The following SIL1 variants were observed in gnomAD, a reference collection of about 807,000 sequenced individuals.
SIL1 encodes the protein SIL1 nucleotide exchange factor, also known as nucleotide exchange factor SIL1.
In SIL1, 40 loss-of-function variants were observed where a neutral mutation model predicts 49.1. The observed-to-expected ratio is 0.81, with a 90% CI of 0.63 to 1.06. SIL1 has a LOEUF of 1.06. SIL1 is among the 50% of genes least tolerant of loss of function. The pLI is 0.00. For synonymous variants in SIL1, 253 were observed against 250.8 expected (o/e 1.01, Z -0.08); for missense variants, 500 against 572.6 (o/e 0.87, Z 1.29).
intron 7 of SIL1, among the ~76,000 whole-genome samples, chr5:138,965,346 C>T (rs1767114179): frequency 6.6e-6 from 1 of 152,196 alleles, no homozygotes; most frequent in Non-Finnish European, 1.5e-5. Flanking sequence ...CTTAAAATTT[C>T]ACCATCTGGG....
At chr5:139,041,843 G>C (rs1220450467) in intron 5 of SIL1, among the ~76,000 whole-genome samples, 1 of 148,988 alleles carries the variant, frequency 6.7e-6, no homozygotes, top group African/African-American at 2.5e-5. Context: ...ACAAAAAAAA[G>C]CAAATGGGGA....
chr5:139,196,574 C>G (rs935317793), intron 1 of SIL1: 1 of 152,222 alleles, frequency 6.6e-6, no homozygotes, highest in African/African-American at 2.4e-5. Context: ...AATCAAAGTA[C>G]TAGGCAACTT....
In SIL1 at chr5:139,050,848, A is replaced by T. The variant is rs542282974; in HGVS notation, c.353+90T>A. Reference sequence around the variant, plus strand: ...TGCTATTAAATTTCAAATTAAAAAAAGCCACATGAATTTGGGTAACATTTT... The same window carrying T: ...TGCTATTAAATTTCAAATTAAAAAATGCCACATGAATTTGGGTAACATTTT... On this transcript the variant is annotated intron_variant, in intron 4 of 9. Transcript: ENST00000394817. The T allele has an allele frequency of 1.5e-5, 16 of 1,083,800 alleles. No homozygotes were observed. The African/African-American group carries it at 2.3e-4, about 16-fold the overall frequency. The allele number at this position is 1,083,800 out of a possible 1,614,324, so 67.1% of individuals were successfully genotyped here. A position where few individuals can be genotyped will look rare whatever the true frequency, so the allele number is the denominator to read the frequency against.
chr5:139,186,567 C>A (rs1179988130), intron 1 of SIL1, among the ~76,000 whole-genome samples: 1 of 152,134 alleles, frequency 6.6e-6, no homozygotes, highest in East Asian at 1.9e-4. Context: ...AGCAGCCACC[C>A]CTCATGAAGC....
chr5:139,139,198 T>G (rs746111713), intron 1 of SIL1, among the ~76,000 whole-genome samples: 2 of 152,194 alleles, frequency 1.3e-5, no homozygotes, highest in Non-Finnish European at 2.9e-5. Flanking sequence ...CCTCCCCTTT[T>G]AAAATAGTAA....
chr5:139,088,251 T>C (rs1476425290), intron 3 of SIL1, among the ~76,000 whole-genome samples: 1 of 152,268 alleles, frequency 6.6e-6, no homozygotes, highest in Non-Finnish European at 1.5e-5. Context: ...CTTTTTGTCA[T>C]TTCTCTGACA....
chr5:139,197,795 A>C (rs1004231070), intron 1 of SIL1, among the ~76,000 whole-genome samples: 2 of 152,228 alleles, frequency 1.3e-5, no homozygotes, highest in African/African-American at 4.8e-5. Flanking sequence ...AGACGATCCG[A>C]GAGATAACAC....
chr5:139,187,644 T>C (rs1306517669), intron 1 of SIL1: 1 of 134,514 alleles, frequency 7.4e-6, no homozygotes, highest in Non-Finnish European at 1.7e-5. Context: ...GGGGTACACG[T>C]GGGTGATGGT....
chr5:139,055,799 T>C (rs1192816166), intron 3 of SIL1, among the ~76,000 whole-genome samples: 2 of 114,866 alleles, frequency 1.7e-5, no homozygotes, highest in African/African-American at 4.0e-5. Flanking sequence ...GCCTGCCGAG[T>C]GCCTGCGATT....
At chr5:138,960,546 C>G (rs984098105) in intron 7 of SIL1, among the ~76,000 whole-genome samples, 1 of 152,060 alleles carries the variant, frequency 6.6e-6, no homozygotes, top group Non-Finnish European at 1.5e-5. Flanking sequence ...ATGCCTCAGC[C>G]TACCACGTAG....
At chr5:139,076,668 C>T (rs538488291) in intron 3 of SIL1, among the ~76,000 whole-genome samples, 19 of 152,144 alleles carry the variant, frequency 1.2e-4, no homozygotes, top group Non-Finnish European at 2.5e-4. Flanking sequence ...CATAAAAAAA[C>T]TGAGGACACA....
chr5:139,055,191 A>C (rs1230688947), intron 3 of SIL1, among the ~76,000 whole-genome samples: 1 of 152,154 alleles, frequency 6.6e-6, no homozygotes, highest in Non-Finnish European at 1.5e-5. Flanking sequence ...AAGGCTGACT[A>C]TCCTAGCCTA....
chr5:139,008,757 T>C (rs1291182061), intron 7 of SIL1, among the ~76,000 whole-genome samples: 2 of 151,842 alleles, frequency 1.3e-5, no homozygotes, highest in Middle Eastern at 3.2e-3. Flanking sequence ...TCAGCTTCCA[T>C]GTAGTTGAGC....
At chr5:138,990,560 T>A (rs1767734255) in intron 7 of SIL1, among the ~76,000 whole-genome samples, 1 of 152,134 alleles carries the variant, frequency 6.6e-6, no homozygotes, top group African/African-American at 2.4e-5. Flanking sequence ...GTTCAAGGGA[T>A]CCTCCCACTT....
At position 139,007,076 on chromosome 5, in the gene SIL1, T is replaced by G. The variant is rs1432189980; in HGVS notation, c.767+14095A>C. 5.6e-4 allele frequency among the ~76,000 whole-genome samples: 72 copies of G among 129,438 alleles called. 2 individuals carry two copies. The South Asian group carries it at 0.016, about 29-fold the overall frequency. 84.9% of individuals were successfully genotyped at this position (129,438 alleles called of 152,430 possible). On this transcript the variant is annotated intron_variant, in intron 7 of 9. Coordinates refer to ENST00000394817, the MANE Select transcript of SIL1 (RefSeq NM_022464.5). ...AGTATGGCCATTTTCATGATATTGA[T>G]TCTTCCTACCCATGAGCATGGAATG...
At chr5:138,987,240 G>C (rs1156723112) in intron 7 of SIL1, among the ~76,000 whole-genome samples, 6 of 151,692 alleles carry the variant, frequency 4.0e-5, no homozygotes, top group Non-Finnish European at 2.9e-5. Flanking sequence ...CTCCCAAGTA[G>C]CTGGGACTAC....
intron 7 of SIL1, among the ~76,000 whole-genome samples, chr5:139,003,289 G>A (rs1194133549): frequency 2.0e-5 from 3 of 152,136 alleles, no homozygotes; most frequent in Non-Finnish European, 2.9e-5. Context: ...GTAGCAAGGG[G>A]CAGGAGAGAA....
chr5:138,998,852 CTTTT>C lies in SIL1; in HGVS notation c.767+22315_767+22318del, dbSNP rs35074969. Among the ~76,000 whole-genome samples, 202 of 98,774 alleles carry C rather than the reference CTTTT, an allele frequency of 2.0e-3. 1 individual carries two copies. Among genetic ancestry groups the C allele is most frequent in the Middle Eastern group, 7.6e-3 (1 of 132 alleles). The allele number at this position is 98,774 out of a possible 152,430, so 64.8% of individuals were successfully genotyped here. A position where few individuals can be genotyped will look rare whatever the true frequency, so the allele number is the denominator to read the frequency against. ...AGTAGGATGCAGAGGATTATCTTTC[CTTTT>C]TTTTTTTTTTTTTTTTTTTGAGACA... On this transcript the variant is annotated intron_variant, in intron 7 of 9. Transcript: ENST00000394817.
intron 1 of SIL1, chr5:139,131,605 C>G (rs902512986): frequency 2.0e-5 from 3 of 152,368 alleles, no homozygotes; most frequent in East Asian, 1.9e-4. Flanking sequence ...AGCTCCCCCC[C>G]TCTTTTTTTG....
Sources: allele counts gnomAD v4.1 joint callset (sites outside exome capture counted in the v4.1 genomes callset), GRCh38; gene constraint gnomAD v4.1.1; transcripts MANE v1.5; gene names NCBI Gene and HGNC (gene_info 2026-07-23, HGNC 2026-07-21).